Variants in SPTLC2 observed in about 807,000 individuals in gnomAD.
SPTLC2 encodes the protein serine palmitoyltransferase long chain base subunit 2, also known as serine palmitoyltransferase 2.
A neutral mutation model predicts 62.0 loss-of-function variants in SPTLC2; 21 were observed. The ratio of observed to expected loss-of-function variants is 0.34; its 90% CI spans 0.24 to 0.49. SPTLC2 has a LOEUF of 0.49. SPTLC2 is among the 20% of genes least tolerant of loss of function. The probability of loss-of-function intolerance (pLI) is 0.99; values close to 1 mark genes in which losing one functional copy is unlikely to be tolerated. For missense variants in SPTLC2, 511 were observed against 713.0 expected, an observed-to-expected ratio of 0.72 and a Z score of 3.23; for synonymous variants, 261 against 261.8, an observed-to-expected ratio of 1.00 and a Z score of 0.03.
chr14:77,583,617 T>C (rs2079765766), intron 2 of SPTLC2, among the ~76,000 whole-genome samples: 1 of 152,170 alleles, frequency 6.6e-6, no homozygotes, highest in Non-Finnish European at 1.5e-5. Context: ...GAAGTGACTT[T>C]AGTTAAGGCT....
At chr14:77,596,161 C>A (rs992351318) in intron 2 of SPTLC2, among the ~76,000 whole-genome samples, 3 of 152,072 alleles carry the variant, frequency 2.0e-5, no homozygotes, top group Admixed American at 2.0e-4. Context: ...CACAGTAAAA[C>A]CCCGTCTCTA....
At chr14:77,537,545 T>C (rs1032983152) in intron 9 of SPTLC2, among the ~76,000 whole-genome samples, 1 of 152,180 alleles carries the variant, frequency 6.6e-6, no homozygotes, top group African/African-American at 2.4e-5. Context: ...ACACGTTATG[T>C]ATTCGAACTA....
chr14:77,541,335 C>T (rs780708154), intron 9 of SPTLC2, among the ~76,000 whole-genome samples: 6 of 152,158 alleles, frequency 3.9e-5, no homozygotes, highest in Non-Finnish European at 7.3e-5. Flanking sequence ...CCACCAGGCC[C>T]GGCCTACAAA....
At chr14:77,575,607 C>T (rs1444819948) in intron 4 of SPTLC2, among the ~76,000 whole-genome samples, 2 of 152,218 alleles carry the variant, frequency 1.3e-5, no homozygotes, top group East Asian at 1.9e-4. Flanking sequence ...TCATAGCTCA[C>T]TGCAGCCTCA....
At chr14:77,613,324 C>T (rs1037066786) in intron 1 of SPTLC2, among the ~76,000 whole-genome samples, 1 of 152,192 alleles carries the variant, frequency 6.6e-6, no homozygotes, top group Non-Finnish European at 1.5e-5. Context: ...CTTTCCAATG[C>T]TAATGTAAAA....
chr14:77,590,996 C>G (rs1383658227), intron 2 of SPTLC2, among the ~76,000 whole-genome samples: 1 of 152,164 alleles, frequency 6.6e-6, no homozygotes, highest in Admixed American at 6.5e-5. Flanking sequence ...CCTACTGCCA[C>G]TAGTCCAAAC....
chr14:77,521,599 G>C lies in SPTLC2; in HGVS notation c.1304-18C>G, dbSNP rs1238053432. On this transcript the variant is annotated intron_variant, in intron 9 of 11. Coordinates refer to ENST00000216484, the MANE Select transcript of SPTLC2 (RefSeq NM_004863.4). ...CTCTTTACCTGGAAAGTCACGGTGA[G>C]AGAAAACAAAATAATCCTAAGTAAA... 1 of 1,612,402 alleles carries C rather than the reference G, an allele frequency of 6.2e-7. No homozygotes were observed. The highest frequency in any genetic ancestry group is 2.2e-5 in the East Asian group (1 of 44,854).
At chr14:77,606,373 CTGTGTGTGTGTG>C (rs59065946) in intron 1 of SPTLC2, among the ~76,000 whole-genome samples, 1 of 148,238 alleles carries the variant, frequency 6.7e-6, no homozygotes, top group Non-Finnish European at 1.5e-5. Flanking sequence ...AGGGAGGGGA[CTGTGTGTGTGTG>C]TGTGTGTGTG....
chr14:77,588,372 T>C (rs141846901), intron 2 of SPTLC2, among the ~76,000 whole-genome samples: 69 of 151,550 alleles, frequency 4.6e-4, no homozygotes, highest in African/African-American at 1.6e-3. Flanking sequence ...TGAGGAAGTG[T>C]TGAAAATGGA....
chr14:77,571,907 CA>C (rs1405494152), intron 4 of SPTLC2, among the ~76,000 whole-genome samples: 1 of 152,120 alleles, frequency 6.6e-6, no homozygotes, highest in Admixed American at 6.5e-5. Context: ...TCTCCTGCTT[CA>C]GCCTCCCAAG....
At chr14:77,529,263 T>C (rs969704976) in intron 9 of SPTLC2, among the ~76,000 whole-genome samples, 1 of 151,470 alleles carries the variant, frequency 6.6e-6, no homozygotes, top group East Asian at 1.9e-4. Flanking sequence ...CTTTTTTTTT[T>C]TTTTTTTTTT....
intron 2 of SPTLC2, among the ~76,000 whole-genome samples, chr14:77,591,451 C>T (rs1474409401): frequency 6.6e-6 from 1 of 152,284 alleles, no homozygotes; most frequent in East Asian, 1.9e-4. Context: ...ACCATTGTAT[C>T]GTACACTTTA....
chr14:77,512,487 C>T (rs1316231631), intron 11 of SPTLC2, 84 bp from the exon 12 acceptor site: 3 of 1,595,324 alleles, frequency 1.9e-6, no homozygotes, highest in Non-Finnish European at 2.6e-6. Context: ...TAAAAACAAT[C>T]ATGGCAAGAT....
At chr14:77,534,383 A>G (rs773027877) in intron 9 of SPTLC2, among the ~76,000 whole-genome samples, 1 of 152,142 alleles carries the variant, frequency 6.6e-6, no homozygotes, top group Non-Finnish European at 1.5e-5. Context: ...AATTCACCAA[A>G]TAAGTGTTAA....
intron 1 of SPTLC2, among the ~76,000 whole-genome samples, chr14:77,609,047 G>GA (rs998363929): frequency 2.6e-5 from 4 of 151,944 alleles, no homozygotes; most frequent in African/African-American, 7.3e-5. Context: ...GACCTGGCAG[G>GA]ATATGAAGTC....
Position 77,521,499 on chromosome 14 carries a change from T to A in SPTLC2, c.1386A>T (p.Gly462=). The A allele has an allele frequency of 6.2e-7, 1 of 1,614,134 alleles. No individual in the cohort carries two copies. The highest frequency in any genetic ancestry group is 8.5e-7 in the Non-Finnish European group (1 of 1,179,988). Residue 462 remains glycine, a synonymous_variant, in exon 10 of 12, where the codon GGA becomes GGT. Transcript: ENST00000216484. ...RLKEMGFIIY[G]NEDSPVVPLM... is the part of the protein sequence containing the mutation. Reference sequence around the variant, plus strand: ...AAGGCACTACTGGAGAGTCTTCATTTCCATAGATGATGAAGCCCATCTCTT... The same window carrying A: ...AAGGCACTACTGGAGAGTCTTCATTACCATAGATGATGAAGCCCATCTCTT...
chr14:77,615,090 T>G (rs951351903), intron 1 of SPTLC2, among the ~76,000 whole-genome samples: 6 of 152,242 alleles, frequency 3.9e-5, no homozygotes, highest in Non-Finnish European at 7.3e-5. Context: ...CACAACAATT[T>G]TGTCTTATAA....
chr14:77,520,578 A>T (rs971033420), intron 10 of SPTLC2, among the ~76,000 whole-genome samples: 1 of 152,178 alleles, frequency 6.6e-6, no homozygotes, highest in East Asian at 1.9e-4. Flanking sequence ...TAAGCAGGTC[A>T]CTCCTTTATT....
At chr14:77,576,704 T>C in intron 4 of SPTLC2, 63 bp downstream of exon 4, 4 of 1,607,634 alleles carry the variant, frequency 2.5e-6, no homozygotes, top group Non-Finnish European at 2.6e-6. Flanking sequence ...AATATTACTA[T>C]TATTTGCCCC....
Sources: gnomAD v4.1 joint callset for allele counts (sites outside exome capture counted in the v4.1 genomes callset) on GRCh38, gnomAD v4.1.1 for gene constraint, MANE v1.5 for transcripts, NCBI Gene and HGNC (gene_info 2026-07-23, HGNC 2026-07-21) for gene names.